Variants in CREB5 observed in about 807,000 individuals in gnomAD.
CREB5 encodes the protein cyclic AMP-responsive element-binding protein 5.
Under a neutral mutation model 57.1 loss-of-function variants are expected in CREB5, and 19 were observed. The ratio of observed to expected loss-of-function variants is 0.33; its 90% CI spans 0.23 to 0.49. The LOEUF (loss-of-function observed/expected upper bound fraction) is 0.49. CREB5 is among the 20% of genes least tolerant of loss of function. CREB5 has a pLI of 0.99. For missense variants in CREB5, 579 were observed against 671.6 expected, an observed-to-expected ratio of 0.86 and a Z score of 1.52; for synonymous variants, 238 against 238.3, an observed-to-expected ratio of 1.00 and a Z score of 0.01.
At chr7:28,384,929 G>A (rs368456902) in intron 1 of CREB5, among the ~76,000 whole-genome samples, 5 of 152,000 alleles carry the variant, frequency 3.3e-5, no homozygotes, top group African/African-American at 1.2e-4. Context: ...CTCTGTCTTA[G>A]TCCAGAGATG....
At chr7:28,702,202 A>G (rs1415402584) in intron 5 of CREB5, among the ~76,000 whole-genome samples, 1 of 152,178 alleles carries the variant, frequency 6.6e-6, no homozygotes, top group Non-Finnish European at 1.5e-5. Context: ...TTTGTTTGGC[A>G]TATATATTTG....
At chr7:28,646,894 T>C (rs1422571539) in intron 5 of CREB5, among the ~76,000 whole-genome samples, 1 of 151,980 alleles carries the variant, frequency 6.6e-6, no homozygotes, top group Non-Finnish European at 1.5e-5. Context: ...GGAGCAACAA[T>C]AACAACACTC....
chr7:28,675,471 A>T (rs1002415243), intron 5 of CREB5, among the ~76,000 whole-genome samples: 1 of 152,166 alleles, frequency 6.6e-6, no homozygotes, highest in Non-Finnish European at 1.5e-5. Flanking sequence ...TGTCTTCCTC[A>T]GCTAAAGTCT....
chr7:28,545,824 G>GTA (rs1794397275), intron 4 of CREB5, among the ~76,000 whole-genome samples: 1 of 152,072 alleles, frequency 6.6e-6, no homozygotes, highest in Non-Finnish European at 1.5e-5. Flanking sequence ...ATAGCTGTGT[G>GTA]TGTGTGAAGT....
intron 1 of CREB5, among the ~76,000 whole-genome samples, chr7:28,360,744 C>T (rs574088110): frequency 2.0e-5 from 3 of 152,270 alleles, no homozygotes; most frequent in Non-Finnish European, 4.4e-5. Flanking sequence ...TGTAATAACA[C>T]TTAAAAAATA....
rs906926612 is a variant in CREB5, at chr7:28,303,522, G to A, written c.-25+4081G>A. The stretch of plus-strand genomic sequence containing the variant: ...TTACCTCTGGTTTTCTAACTTTGCC[G>A]ATGTAAAAATACATGAACACCTAAT... On this transcript the variant is annotated intron_variant, in intron 1 of 9. Transcript: ENST00000396299. Among the ~76,000 whole-genome samples the A allele has an allele frequency of 1.2e-4, 18 of 152,156 alleles. 1 individual carries two copies. The highest frequency in any genetic ancestry group is 3.9e-4 in the African/African-American group (16 of 41,440).
intron 1 of CREB5, among the ~76,000 whole-genome samples, chr7:28,329,350 C>T (rs995935593): frequency 6.6e-6 from 1 of 152,282 alleles, no homozygotes; most frequent in East Asian, 1.9e-4. Context: ...GCTGTGTTTG[C>T]ATTTCCAGAA....
At chr7:28,560,925 CGTGCGTGTGT>C (rs1795184568) in intron 4 of CREB5, among the ~76,000 whole-genome samples, 8 of 33,472 alleles carry the variant, frequency 2.4e-4, no homozygotes, top group Admixed American at 6.0e-4. Context: ...CGTGTGTGCG[CGTGCGTGTGT>C]GCGTGCGTGT....
intron 5 of CREB5, among the ~76,000 whole-genome samples, chr7:28,625,869 A>C (rs1353623584): frequency 2.0e-5 from 3 of 152,200 alleles, no homozygotes; most frequent in Non-Finnish European, 4.4e-5. Flanking sequence ...TATTTCAATA[A>C]GAACAATTTT....
chr7:28,477,144 T>A (rs1325575880), intron 1 of CREB5, among the ~76,000 whole-genome samples: 7 of 152,232 alleles, frequency 4.6e-5, no homozygotes, highest in Non-Finnish European at 7.3e-5. Context: ...TGAATCATAT[T>A]TGAACAAGTT....
rs553108334 is a variant in CREB5, at chr7:28,306,722, G to A, written c.-25+7281G>A. ...ACTACAGGCGCCCGCCACTATGCCC[G>A]GCTAATTTTTTGTATTTTTTAGTAG... On this transcript the variant is annotated intron_variant, in intron 1 of 9. Coordinates refer to the CREB5 transcript ENST00000396299. Among the ~76,000 whole-genome samples, 52 of 152,110 alleles carry A rather than the reference G, an allele frequency of 3.4e-4. No homozygotes were observed. The South Asian group carries it at 1.0e-2, about 29-fold the overall frequency.
At chr7:28,490,644 T>C (rs1430634348) in intron 2 of CREB5, among the ~76,000 whole-genome samples, 1 of 152,268 alleles carries the variant, frequency 6.6e-6, no homozygotes, top group African/African-American at 2.4e-5. Flanking sequence ...CTGTGTGTTG[T>C]ACGACGTTTA....
intron 8 of CREB5, among the ~76,000 whole-genome samples, 187 bp from the exon 9 acceptor site, chr7:28,808,989 TATAGGTCAGTG>T (rs1375840929): frequency 6.6e-6 from 1 of 152,202 alleles, no homozygotes; most frequent in African/African-American, 2.4e-5. Context: ...CATCATAGAA[TATAGGTCAGTG>T]ATGCTTTTCC....
chr7:28,413,376 A>G (rs2128004205), intron 1 of CREB5, among the ~76,000 whole-genome samples: 1 of 152,304 alleles, frequency 6.6e-6, no homozygotes, highest in Non-Finnish European at 1.5e-5. Context: ...GGATGATTCT[A>G]TGGGTTGAAT....
chr7:28,809,167 C>G lies in CREB5; in HGVS notation c.1027-20C>G. On this transcript the variant is annotated intron_variant, in intron 8 of 10. Transcript: ENST00000357727. The stretch of plus-strand genomic sequence containing the variant: ...CGTCCTTCCCTATCCCCATCACCTC[C>G]TCCCTCTCTGGCCCAGCAGGTTTCA... The G allele has an allele frequency of 6.3e-7, 1 of 1,596,114 alleles. No homozygotes were observed. The highest frequency in any genetic ancestry group is 8.5e-7 in the Non-Finnish European group (1 of 1,169,712).
intron 5 of CREB5, among the ~76,000 whole-genome samples, chr7:28,711,164 C>T (rs1203225360): frequency 6.6e-6 from 1 of 152,146 alleles, no homozygotes. Context: ...CTATAGCATT[C>T]GCTGTTTGAC....
At chr7:28,345,273 C>CTTTTTTTTT (rs58373526) in intron 1 of CREB5, among the ~76,000 whole-genome samples, 7 of 148,560 alleles carry the variant, frequency 4.7e-5, no homozygotes, top group Non-Finnish European at 4.5e-5. Flanking sequence ...CAAAACAAGT[C>CTTTTTTTTT]TTTTTTTTTT....
chr7:28,756,557 C>CA (rs34257489), intron 7 of CREB5, among the ~76,000 whole-genome samples: 34,982 of 140,478 alleles, frequency 0.25, 5,108 homozygotes, highest in East Asian at 0.77. Context: ...ATTCCATCTC[C>CA]AAAAAAAAAA....
intron 1 of CREB5, among the ~76,000 whole-genome samples, chr7:28,302,512 G>C (rs1785114025): frequency 6.6e-6 from 1 of 152,162 alleles, no homozygotes; most frequent in Non-Finnish European, 1.5e-5. Flanking sequence ...ATAGGATTTA[G>C]AGCTGGAGGA....
Sources: allele counts gnomAD v4.1 joint callset (sites outside exome capture counted in the v4.1 genomes callset), GRCh38; gene constraint gnomAD v4.1.1; transcripts MANE v1.5; gene names NCBI Gene and HGNC (gene_info 2026-07-23, HGNC 2026-07-21).